Variants in DPYD observed in about 807,000 individuals in gnomAD.
DPYD encodes dihydropyrimidine dehydrogenase, also known as dihydropyrimidine dehydrogenase [NADP(+)].
Under a neutral mutation model 116.2 loss-of-function variants are expected in DPYD, and 109 were observed. The ratio of observed to expected loss-of-function variants is 0.94; its 90% CI spans 0.80 to 1.10. The LOEUF (loss-of-function observed/expected upper bound fraction) is 1.10, where lower values mean the gene tolerates loss of function less well. Among genes scored for constraint, DPYD ranks in the 50% least tolerant of loss-of-function variants. The probability of loss-of-function intolerance (pLI) is 0.00; values close to 1 mark genes in which losing one functional copy is unlikely to be tolerated. For synonymous variants in DPYD, 440 were observed against 432.0 expected (o/e 1.02, Z -0.23); for missense variants, 1,302 against 1,254.5 (o/e 1.04, Z -0.57).
At chr1:97,537,362 T>C (rs573320295) in intron 12 of DPYD, among the ~76,000 whole-genome samples, 44 of 152,324 alleles carry the variant, frequency 2.9e-4, no homozygotes, top group East Asian at 1.2e-3. Context: ...ATAGTAAATA[T>C]GCCATTATTA....
At chr1:97,363,218 T>A (rs185228635) in intron 16 of DPYD, among the ~76,000 whole-genome samples, 95 of 152,264 alleles carry the variant, frequency 6.2e-4, no homozygotes, top group African/African-American at 2.0e-3. Flanking sequence ...TCATCACTGG[T>A]CATCAGAGAA....
chr1:97,237,209 C>T (rs1431469005), intron 18 of DPYD, among the ~76,000 whole-genome samples: 2 of 138,194 alleles, frequency 1.4e-5, no homozygotes, highest in Non-Finnish European at 3.0e-5. Flanking sequence ...CCATTGCCCT[C>T]CAGCCTGGGC....
chr1:97,920,844 C>G, intron 1 of DPYD, 40 bp downstream of exon 1: 1 of 1,572,442 alleles, frequency 6.4e-7, no homozygotes, highest in Non-Finnish European at 8.6e-7. Context: ...GCACTCCCCA[C>G]CACCCCGCCA....
intron 18 of DPYD, among the ~76,000 whole-genome samples, chr1:97,261,561 A>G (rs1181238737): frequency 6.6e-6 from 1 of 150,544 alleles, no homozygotes; most frequent in African/African-American, 2.4e-5. Flanking sequence ...CCAAGCAGGA[A>G]AATTCAAAGG....
At chr1:97,843,982 A>T (rs1343394922) in intron 2 of DPYD, among the ~76,000 whole-genome samples, 2 of 152,168 alleles carry the variant, frequency 1.3e-5, no homozygotes, top group Admixed American at 1.3e-4. Flanking sequence ...AGTGTTAAAC[A>T]CTACAGGGAA....
chr1:97,264,781 C>T (rs908212208), intron 18 of DPYD, among the ~76,000 whole-genome samples: 2 of 144,794 alleles, frequency 1.4e-5, no homozygotes, highest in Admixed American at 1.4e-4. Flanking sequence ...AATTGGGACT[C>T]GAACCTGGGT....
chr1:97,877,025 C>T (rs920537648), intron 2 of DPYD, among the ~76,000 whole-genome samples: 3 of 151,984 alleles, frequency 2.0e-5, no homozygotes, highest in Non-Finnish European at 4.4e-5. Flanking sequence ...AGGCTATTCT[C>T]AGAGGGCTGA....
intron 12 of DPYD, among the ~76,000 whole-genome samples, chr1:97,536,969 T>C (rs553768336): frequency 2.6e-5 from 4 of 152,364 alleles, no homozygotes; most frequent in South Asian, 4.1e-4. Context: ...TCTCGAATCA[T>C]AGTTCTTCAG....
rs1557956411 is a variant in DPYD at position 97,229,584 on chromosome 1, AT to A, written c.2442+5267del. ...TATATATATATATATATATATATAT[AT>A]ATATACTGATTTTAATTCATACTTT... On this transcript the variant is annotated intron_variant, in intron 19 of 22. Transcript: ENST00000370192. Among the ~76,000 whole-genome samples the A allele has an allele frequency of 4.2e-3, 282 of 67,896 alleles. 4 individuals carry two copies. Among genetic ancestry groups the A allele is most frequent in the African/African-American group, 0.014 (263 of 19,424 alleles). The allele number at this position is 67,896 out of a possible 152,430, so 44.5% of individuals were successfully genotyped here.
At chr1:97,175,345 T>C (rs1392755497) in intron 20 of DPYD, among the ~76,000 whole-genome samples, 1 of 152,222 alleles carries the variant, frequency 6.6e-6, no homozygotes, top group Non-Finnish European at 1.5e-5. Flanking sequence ...CTTTCCTTTA[T>C]GTAAGAGAAT....
chr1:97,485,197 T>C (rs1678551028), intron 13 of DPYD, among the ~76,000 whole-genome samples: 1 of 152,070 alleles, frequency 6.6e-6, no homozygotes, highest in Admixed American at 6.6e-5. Context: ...TGACATACTC[T>C]CGTTTGTTTT....
chr1:97,191,227 C>T (rs1037782033), intron 20 of DPYD, among the ~76,000 whole-genome samples: 8 of 150,932 alleles, frequency 5.3e-5, no homozygotes, highest in East Asian at 1.9e-4. Context: ...ATTATAGGAC[C>T]AAAAAAAAGA....
intron 13 of DPYD, chr1:97,514,322 C>T (rs1570876986): frequency 2.4e-6 from 2 of 843,722 alleles, no homozygotes; most frequent in East Asian, 1.2e-4. Flanking sequence ...GCGAAGAAAA[C>T]ATCAAATTCA....
intron 11 of DPYD, 113 bp from the exon 12 acceptor site, chr1:97,549,857 C>T (rs1202350613): frequency 1.0e-6 from 1 of 976,970 alleles, no homozygotes; most frequent in East Asian, 2.6e-5. Flanking sequence ...GGGATTCAAA[C>T]AACTGTTTTT....
At chr1:97,347,816 C>T (rs568429475) in intron 16 of DPYD, among the ~76,000 whole-genome samples, 13 of 152,170 alleles carry the variant, frequency 8.5e-5, no homozygotes, top group Admixed American at 2.6e-4. Flanking sequence ...TGTAGTGAGA[C>T]CACAATAAAC....
At chr1:97,682,482 T>A (rs1296054481) in intron 7 of DPYD, among the ~76,000 whole-genome samples, 1 of 151,988 alleles carries the variant, frequency 6.6e-6, no homozygotes, top group East Asian at 1.9e-4. Context: ...CCCAAATATT[T>A]GCCATGCAAG....
At chr1:97,700,930 A>T (rs1369044931) in intron 5 of DPYD, among the ~76,000 whole-genome samples, 1 of 151,496 alleles carries the variant, frequency 6.6e-6, no homozygotes, top group Non-Finnish European at 1.5e-5. Flanking sequence ...TTTTAAAAAC[A>T]CATTATTAAA....
chr1:97,585,100 T>C (rs2811205), intron 10 of DPYD, among the ~76,000 whole-genome samples: 141,887 of 152,108 alleles, frequency 0.93, 66,653 homozygotes, highest in Non-Finnish European at 0.99. Flanking sequence ...TTTTCAATGC[T>C]TTTAATATAT....
At position 97,802,560 on chromosome 1, in the gene DPYD, A is replaced by G. The variant is rs144573196; in HGVS notation, c.233+25554T>C. Among the ~76,000 whole-genome samples the G allele has an allele frequency of 5.2e-3, 790 of 151,954 alleles. 8 individuals are homozygous for G. The highest frequency in any genetic ancestry group is 0.018 in the African/African-American group (744 of 41,512). ...AGCACAATTTTCCTTTTGGGGCCTC[A>G]GATCTATCCCTCAGATATTTATTTT... is the stretch of plus-strand genomic sequence containing the variant. On this transcript the variant is annotated intron_variant, in intron 3 of 22. Coordinates refer to ENST00000370192, the MANE Select transcript of DPYD (RefSeq NM_000110.4).
Sources: gnomAD v4.1 joint callset for allele counts (sites outside exome capture counted in the v4.1 genomes callset) on GRCh38, gnomAD v4.1.1 for gene constraint, MANE v1.5 for transcripts, NCBI Gene and HGNC (gene_info 2026-07-23, HGNC 2026-07-21) for gene names.